Variants in NEGR1 observed in about 807,000 individuals in gnomAD.
The protein encoded by NEGR1 is IgLON family member 4.
NEGR1 carries 10 observed loss-of-function variants against 40.9 expected under a neutral mutation model. The observed-to-expected ratio is 0.24, with a 90% confidence interval of 0.15 to 0.42. The LOEUF (loss-of-function observed/expected upper bound fraction) is 0.42. Ranked by LOEUF, NEGR1 falls within the 10% of genes least tolerant of loss-of-function variation. NEGR1 has a pLI of 1.00. For missense variants in NEGR1, 352 were observed against 438.9 expected (o/e 0.80, Z 1.77); for synonymous variants, 185 against 166.8 (o/e 1.11, Z -0.84).
At chr1:71,523,819 C>T (rs1647182310) in intron 6 of NEGR1, among the ~76,000 whole-genome samples, 1 of 151,906 alleles carries the variant, frequency 6.6e-6, no homozygotes, top group African/African-American at 2.4e-5. Flanking sequence ...TAACACTGAT[C>T]TGCTAATAAC....
At chr1:72,086,955 AT>A (rs1648245963) in intron 1 of NEGR1, among the ~76,000 whole-genome samples, 1 of 152,194 alleles carries the variant, frequency 6.6e-6, no homozygotes, top group South Asian at 2.1e-4. Flanking sequence ...TTATAGAGTG[AT>A]TAAAAAAACA....
intron 6 of NEGR1, among the ~76,000 whole-genome samples, chr1:71,421,133 A>G (rs574207786): frequency 1.3e-4 from 20 of 152,170 alleles, no homozygotes; most frequent in African/African-American, 4.8e-4. Flanking sequence ...TTGATCAAAT[A>G]TTAGTGATAT....
At chr1:71,790,490 A>G (rs932889475) in intron 2 of NEGR1, among the ~76,000 whole-genome samples, 1 of 152,080 alleles carries the variant, frequency 6.6e-6, no homozygotes, top group African/African-American at 2.4e-5. Flanking sequence ...CTACGTTAGG[A>G]CACTGATGAC....
intron 1 of NEGR1, among the ~76,000 whole-genome samples, chr1:72,048,228 T>G: frequency 6.6e-6 from 1 of 151,754 alleles, no homozygotes; most frequent in East Asian, 1.9e-4. Context: ...CGACAGCACT[T>G]AATTCCCATG....
intron 1 of NEGR1, among the ~76,000 whole-genome samples, chr1:72,277,789 G>T (rs1393960067): frequency 1.3e-5 from 2 of 151,916 alleles, no homozygotes; most frequent in Non-Finnish European, 1.5e-5. Flanking sequence ...TGAAAATATC[G>T]GTAAAGTTGA....
At chr1:72,231,237 C>T (rs1403907783) in intron 1 of NEGR1, among the ~76,000 whole-genome samples, 2 of 152,154 alleles carry the variant, frequency 1.3e-5, no homozygotes, top group Non-Finnish European at 2.9e-5. Flanking sequence ...TGCCACAACA[C>T]TTGCCTCTCC....
intron 4 of NEGR1, among the ~76,000 whole-genome samples, chr1:71,674,975 T>C (rs1363326515): frequency 6.6e-6 from 1 of 151,442 alleles, no homozygotes; most frequent in Non-Finnish European, 1.5e-5. Flanking sequence ...CTAACACTTG[T>C]AACATTCCAA....
At chr1:72,154,913 T>C (rs570950181) in intron 1 of NEGR1, among the ~76,000 whole-genome samples, 1 of 152,110 alleles carries the variant, frequency 6.6e-6, no homozygotes, top group South Asian at 2.1e-4. Flanking sequence ...ATGAGTAAAC[T>C]TATTGTTTGA....
chr1:71,696,055 T>C (rs754391978), intron 4 of NEGR1, among the ~76,000 whole-genome samples: 6 of 151,766 alleles, frequency 4.0e-5, no homozygotes, highest in Non-Finnish European at 5.9e-5. Context: ...TTGCTATGAG[T>C]AATACATTGC....
chr1:71,950,744 A>G (rs1167296243), intron 1 of NEGR1, among the ~76,000 whole-genome samples: 1 of 151,962 alleles, frequency 6.6e-6, no homozygotes. Flanking sequence ...TGTTACCAAT[A>G]TTTCACAATT....
At chr1:72,151,909 A>G (rs955453685) in intron 1 of NEGR1, among the ~76,000 whole-genome samples, 2 of 151,956 alleles carry the variant, frequency 1.3e-5, no homozygotes, top group South Asian at 4.2e-4. Flanking sequence ...TAACAGAACA[A>G]GGTGAATTTG....
chr1:72,021,906 C>T (rs191441874), intron 1 of NEGR1, among the ~76,000 whole-genome samples: 5,760 of 151,982 alleles, frequency 0.038, 182 homozygotes, highest in Non-Finnish European at 0.055. Context: ...GAGGCCGAGG[C>T]GGGCGGATCA....
chr1:71,510,335 T>C (rs1443294235), intron 6 of NEGR1, among the ~76,000 whole-genome samples: 1 of 151,926 alleles, frequency 6.6e-6, no homozygotes, highest in Admixed American at 6.6e-5. Flanking sequence ...GCAAACAACT[T>C]CTAGAGTGAT....
intron 1 of NEGR1, among the ~76,000 whole-genome samples, chr1:71,989,552 T>C (rs981446662): frequency 4.6e-5 from 7 of 151,944 alleles, no homozygotes; most frequent in Non-Finnish European, 7.4e-5. Flanking sequence ...ATGTCATTAA[T>C]AATTTTAATC....
chr1:71,902,788 T>C (rs1386650137), intron 2 of NEGR1, among the ~76,000 whole-genome samples: 2 of 152,296 alleles, frequency 1.3e-5, no homozygotes, highest in East Asian at 3.9e-4. Flanking sequence ...TAAAATATTT[T>C]AGCAAATTTA....
At chr1:72,245,255 G>T (rs1358606782) in intron 1 of NEGR1, among the ~76,000 whole-genome samples, 1 of 152,014 alleles carries the variant, frequency 6.6e-6, no homozygotes, top group Non-Finnish European at 1.5e-5. Flanking sequence ...TGATCATTTA[G>T]CCCAACAAAA....
intron 3 of NEGR1, 49 bp from the exon 4 acceptor site, chr1:71,698,188 T>A: frequency 6.4e-7 from 1 of 1,553,644 alleles, no homozygotes; most frequent in Non-Finnish European, 8.8e-7. Context: ...TGAGGCTTCA[T>A]TCAAGTAAAA....
intron 1 of NEGR1, among the ~76,000 whole-genome samples, chr1:72,145,781 A>G (rs1412513568): frequency 6.6e-6 from 1 of 152,110 alleles, no homozygotes; most frequent in Non-Finnish European, 1.5e-5. Context: ...ACTCAGAATT[A>G]TCATAAAGCA....
chr1:71,935,429 C>T, intron 1 of NEGR1, 118 bp from the exon 2 acceptor site: 1 of 669,806 alleles, frequency 1.5e-6, no homozygotes, highest in Non-Finnish European at 2.6e-6. Flanking sequence ...ATGCAAACAT[C>T]AGACATTAAC....
Sources: gnomAD v4.1 joint callset for allele counts (sites outside exome capture counted in the v4.1 genomes callset) on GRCh38, gnomAD v4.1.1 for gene constraint, MANE v1.5 for transcripts, NCBI Gene and HGNC (gene_info 2026-07-23, HGNC 2026-07-21) for gene names.